TMEM43: variants seen among roughly 807,000 people sequenced by gnomAD.
The protein encoded by TMEM43 is arrhythmogenic right ventricular dysplasia 5.
A neutral mutation model predicts 49.6 loss-of-function variants in TMEM43; 45 were observed. The ratio of observed to expected loss-of-function variants is 0.91; its 90% CI spans 0.71 to 1.16. The LOEUF is 1.16. Among genes scored for constraint, TMEM43 ranks in the 50% most tolerant of loss-of-function variants. The pLI is 0.00. For missense variants in TMEM43, 532 were observed against 516.6 expected (o/e 1.03, Z -0.29); for synonymous variants, 199 against 207.8 (o/e 0.96, Z 0.36).
intron 1 of TMEM43, 112 bp downstream of exon 1, chr3:14,125,317 G>A (rs2124981947): frequency 7.7e-7 from 1 of 1,305,292 alleles, no homozygotes; most frequent in South Asian, 1.3e-5. Flanking sequence ...CGTGCGGCTA[G>A]GCCCGCATCT....
At chr3:14,125,275 C>T (rs1695002617) in intron 1 of TMEM43, 70 bp downstream of exon 1, 8 of 1,548,282 alleles carry the variant, frequency 5.2e-6, no homozygotes, top group Non-Finnish European at 6.1e-6. Flanking sequence ...CCCCGGGGTC[C>T]TCTAGGTCCA....
At chr3:14,128,786 G>A (rs1042349302) in intron 1 of TMEM43, 10 of 287,608 alleles carry the variant, frequency 3.5e-5, no homozygotes, top group African/African-American at 9.1e-5. Context: ...ATATTCCTAC[G>A]GGAAATGAAA....
rs1376541965 is a variant in TMEM43, at chr3:14,129,499, G to A, written c.100G>A (p.Gly34Ser). The A allele has an allele frequency of 6.2e-7, 1 of 1,614,076 alleles. No individual in the cohort carries two copies. Among genetic ancestry groups the A allele is most frequent in the African/African-American group, 1.3e-5 (1 of 74,988 alleles). Residue 34 changes from glycine (G) to serine (S), a missense_variant, in exon 2 of 12, where the codon GGT becomes AGT. By Grantham distance (56) the Gly-to-Ser change is moderately conservative. Transcript: ENST00000306077. Reference protein sequence around the residue: ...GFLERLSETSGGMFVGLMAFL... With the variant: ...GFLERLSETSSGMFVGLMAFL... Reference sequence around the variant, plus strand: ...CCTGGAACGGCTGAGCGAGACCTCGGGTGGGATGTTTGTGGGGCTCATGGC... The same window carrying A: ...CCTGGAACGGCTGAGCGAGACCTCGAGTGGGATGTTTGTGGGGCTCATGGC...
chr3:14,140,862 C>T (rs1574941803), intron 11 of TMEM43, among the ~76,000 whole-genome samples: 2 of 152,196 alleles, frequency 1.3e-5, no homozygotes, highest in East Asian at 1.9e-4. Flanking sequence ...GTGCTGCAGG[C>T]ATGGTGGGGC....
chr3:14,141,719 C>T lies in TMEM43; in HGVS notation c.1127C>T (p.Ala376Val), dbSNP rs1482052841. The change falls in exon 12 of 12, where the codon GCC becomes GTC. Residue 376 changes from alanine to valine, a missense_variant. Transcript: ENST00000306077. ...TGGCTCTTCTACCGACCCCTGTGGGCCCTCCTCATTGCCGGCCTGGCCCTT... is the reference window on the plus strand; with the variant it reads ...TGGCTCTTCTACCGACCCCTGTGGGTCCTCCTCATTGCCGGCCTGGCCCTT... ...AGWLFYRPLWALLIAGLALVP... is the reference protein window; with the variant it reads ...AGWLFYRPLWVLLIAGLALVP... 1 of 1,614,180 alleles carries T rather than the reference C, an allele frequency of 6.2e-7. No individual in the cohort carries two copies. Among genetic ancestry groups the T allele is most frequent in the Non-Finnish European group, 8.5e-7 (1 of 1,180,048 alleles).
chr3:14,127,958 G>A (rs1050948031), intron 1 of TMEM43, among the ~76,000 whole-genome samples: 1 of 152,156 alleles, frequency 6.6e-6, no homozygotes, highest in African/African-American at 2.4e-5. Context: ...CCCCCAGCCT[G>A]GTGCCAGCCC....
In TMEM43 at chr3:14,130,895, G is replaced by C. The variant is rs747252111; in HGVS notation, c.236G>C (p.Ser79Thr). ...SLVVSPDSIH[S>T]VAPENEGRLV... ...GTGGTGTCTCCCGACAGCATCCACA[G>C]TGTGGCTCCGGAGAATGAAGGAAGG... is the stretch of plus-strand genomic sequence containing the variant. The change falls in exon 3 of 12, where the codon AGT (serine) becomes ACT (threonine). Residue 79 changes from serine to threonine, a missense_variant. Coordinates refer to ENST00000306077, the MANE Select transcript of TMEM43 (RefSeq NM_024334.3). The C allele has an allele frequency of 6.8e-6, 11 of 1,613,724 alleles. No homozygotes were observed. Among genetic ancestry groups the C allele is most frequent in the Non-Finnish European group, 8.5e-6 (10 of 1,179,720 alleles).
At chr3:14,127,024 G>A (rs995033942) in intron 1 of TMEM43, among the ~76,000 whole-genome samples, 11 of 152,018 alleles carry the variant, frequency 7.2e-5, no homozygotes, top group Non-Finnish European at 1.5e-4. Flanking sequence ...CCATTTCCAG[G>A]GCCTATGTGT....
In TMEM43 at chr3:14,130,808, C is replaced by T. The variant is rs113745859; in HGVS notation, c.163-14C>T. The T allele has an allele frequency of 4.5e-3, 7,184 of 1,613,480 alleles. 309 individuals carry two copies. In the African/African-American group the frequency reaches 0.085, roughly 19 times the overall value. ...CCCTGAGCTGTTGAAATCCCCACTC[C>T]CCTTTGCTCCCAGGGCCGCGCATTG... On this transcript the variant is annotated splice_polypyrimidine_tract_variant and intron_variant, in intron 2 of 11. Transcript: ENST00000306077.
At chr3:14,140,232 A>C (rs796215940) in intron 11 of TMEM43, among the ~76,000 whole-genome samples, 18 of 152,318 alleles carry the variant, frequency 1.2e-4, no homozygotes, top group African/African-American at 3.6e-4. Flanking sequence ...CGTGGTGGGC[A>C]CATTAGCGAG....
chr3:14,129,271 G>A, intron 1 of TMEM43, 141 bp from the exon 2 acceptor site: 1 of 618,850 alleles, frequency 1.6e-6, no homozygotes, highest in Admixed American at 4.1e-5. Flanking sequence ...ACTGTACATT[G>A]AATATCTGTG....
chr3:14,136,229 C>T (rs775412662), intron 10 of TMEM43, among the ~76,000 whole-genome samples: 18 of 152,188 alleles, frequency 1.2e-4, no homozygotes, highest in Non-Finnish European at 1.9e-4. Flanking sequence ...CAATGCAACC[C>T]GTCACATGGG....
chr3:14,132,649 T>C, intron 5 of TMEM43, 54 bp downstream of exon 5: 3 of 1,596,352 alleles, frequency 1.9e-6, no homozygotes, highest in Non-Finnish European at 1.7e-6. Flanking sequence ...CCCACAGTGG[T>C]GGCTGGACAG....
At position 14,141,949 on chromosome 3, in the gene TMEM43, A is replaced by G; in HGVS notation, c.*154A>G. On this transcript the variant is annotated 3_prime_UTR_variant, in exon 12 of 12. Transcript: ENST00000306077. ...AGGGGCCAGACTTGGCAGCATGTGCACCAGGTTGGTGTTCACCAGCTCATG... is the reference window on the plus strand; with the variant it reads ...AGGGGCCAGACTTGGCAGCATGTGCGCCAGGTTGGTGTTCACCAGCTCATG... 1 of 722,638 alleles carries G rather than the reference A, an allele frequency of 1.4e-6. No individual in the cohort carries two copies. The highest frequency in any genetic ancestry group is 2.7e-5 in the East Asian group (1 of 36,866). The allele number at this position is 722,638 out of a possible 1,614,324, so 44.8% of individuals were successfully genotyped here. A position where few individuals can be genotyped will look rare whatever the true frequency, so the allele number is the denominator to read the frequency against.
chr3:14,133,591 T>G, intron 6 of TMEM43, 148 bp from the exon 7 acceptor site: 1 of 777,648 alleles, frequency 1.3e-6, no homozygotes. Context: ...CCCCTGGGGG[T>G]GGACAGGACA....
At chr3:14,127,213 C>T (rs73142619) in intron 1 of TMEM43, among the ~76,000 whole-genome samples, 2,106 of 152,100 alleles carry the variant, frequency 0.014, 54 homozygotes, top group African/African-American at 0.047. Flanking sequence ...ATATATAGAT[C>T]CTTTATGATC....
At position 14,125,068 on chromosome 3, in the gene TMEM43, G is replaced by A; in HGVS notation, c.-126G>A. 3 of 1,251,078 alleles carry A rather than the reference G, an allele frequency of 2.4e-6. No homozygotes were observed. Among genetic ancestry groups the A allele is most frequent in the Non-Finnish European group, 3.4e-6 (3 of 877,218 alleles). The allele number at this position is 1,251,078 out of a possible 1,614,324, so 77.5% of individuals were successfully genotyped here. ...GAGGTAACTGCAGTAAGTCCCGCTT[G>A]GCCCTGGAGTCCACGCGGATTTTCG... On this transcript the variant is annotated 5_prime_UTR_variant, in exon 1 of 12. Coordinates refer to ENST00000306077, the MANE Select transcript of TMEM43 (RefSeq NM_024334.3).
chr3:14,129,711 T>C (rs1226485313), intron 2 of TMEM43, 150 bp downstream of exon 2: 5 of 882,474 alleles, frequency 5.7e-6, no homozygotes, highest in Non-Finnish European at 9.0e-6. Context: ...GTTCTTTCCA[T>C]TGTGATCCAT....
At chr3:14,134,643 G>A (rs933766371) in intron 7 of TMEM43, 127 bp from the exon 8 acceptor site, 2 of 1,241,712 alleles carry the variant, frequency 1.6e-6, no homozygotes, top group African/African-American at 1.5e-5. Context: ...TCAGAAAGAG[G>A]CACTGCAGGT....
Sources: gnomAD v4.1 joint callset for allele counts (sites outside exome capture counted in the v4.1 genomes callset) on GRCh38, gnomAD v4.1.1 for gene constraint, MANE v1.5 for transcripts, NCBI Gene and HGNC (gene_info 2026-07-23, HGNC 2026-07-21) for gene names.